The following HEATR4 variants were observed in gnomAD, a reference collection of about 807,000 sequenced individuals.
HEATR4 encodes HEAT repeat-containing protein 4.
A neutral mutation model predicts 108.8 loss-of-function variants in HEATR4; 95 were observed. The ratio of observed to expected loss-of-function variants is 0.87; its 90% confidence interval spans 0.74 to 1.04. The LOEUF (loss-of-function observed/expected upper bound fraction) is 1.04, where lower values mean the gene tolerates loss of function less well. Ranked by LOEUF, HEATR4 falls within the 50% of genes least tolerant of loss-of-function variation. HEATR4 has a pLI of 0.00. For synonymous variants in HEATR4, 443 were observed against 459.4 expected (o/e 0.96, Z 0.46); for missense variants, 1,152 against 1,253.8 (o/e 0.92, Z 1.23).
chr14:73,495,356 G>A lies in HEATR4; in HGVS notation c.2657C>T (p.Thr886Ile). 2 of 1,613,724 alleles carry A rather than the reference G, an allele frequency of 1.2e-6. No homozygotes were observed. The highest frequency in any genetic ancestry group is 1.7e-6 in the Non-Finnish European group (2 of 1,179,838). Residue 886 changes from threonine to isoleucine, a missense_variant, in exon 16 of 18, where the codon ACA becomes ATA. Thr to Ile is a moderately conservative substitution (Grantham distance 89, BLOSUM62 -1). Coordinates refer to ENST00000553558, the MANE Select transcript of HEATR4 (RefSeq NM_001220484.1). ...IKTLSQKDLL[T>I]HKILKLEMVM... ...CATCTCCAGCTTGAGTATTTTGTGTGTCAGCAAGTCCTTTTGGCTTAGTGT... is the reference window on the plus strand; with the variant it reads ...CATCTCCAGCTTGAGTATTTTGTGTATCAGCAAGTCCTTTTGGCTTAGTGT...
chr14:73,575,030 T>C, the HEATR4 span: 1 of 1,590,552 alleles, frequency 6.3e-7, no homozygotes, highest in Non-Finnish European at 8.6e-7. Context: ...TGGCCAATGT[T>C]GGGGGAACCT....
the HEATR4 span, among the ~76,000 whole-genome samples, chr14:73,614,731 A>G: frequency 7.2e-6 from 1 of 138,850 alleles, no homozygotes; most frequent in Non-Finnish European, 1.5e-5. Flanking sequence ...TGGGCGACAG[A>G]GCGAGACCCT....
chr14:73,580,119 G>GT, the HEATR4 span, among the ~76,000 whole-genome samples: 1 of 151,872 alleles, frequency 6.6e-6, no homozygotes, highest in Admixed American at 6.6e-5. Context: ...AGTATACAAA[G>GT]TGATGGGTGG....
chr14:73,491,622 C>T lies in HEATR4; in HGVS notation c.2844+1444G>A, dbSNP rs1205003931. On this transcript the variant is annotated intron_variant, in intron 17 of 17. Coordinates refer to ENST00000553558, the MANE Select transcript of HEATR4 (RefSeq NM_001220484.1). ...CGCATCCCCAGCAGCCGGCGGCGAG[C>T]GGCCCGCCTCTTTGAGTGGCTCATC... The T allele has an allele frequency of 2.6e-6, 4 of 1,547,366 alleles. No individual in the cohort carries two copies. In the South Asian group the frequency reaches 3.6e-5, roughly 14 times the overall value.
intron 2 of HEATR4, among the ~76,000 whole-genome samples, chr14:73,523,667 C>T (rs1174200453): frequency 6.6e-6 from 1 of 152,154 alleles, no homozygotes; most frequent in Non-Finnish European, 1.5e-5. Context: ...CTCTGAGTAT[C>T]CTCTCTCCAC....
At chr14:73,488,265 C>T (rs1885528830) in intron 17 of HEATR4, among the ~76,000 whole-genome samples, 1 of 152,108 alleles carries the variant, frequency 6.6e-6, no homozygotes, top group Non-Finnish European at 1.5e-5. Context: ...GTTGAGTTCT[C>T]ACAAGATCTG....
chr14:73,479,129 T>G (rs112472517), intron 17 of HEATR4, among the ~76,000 whole-genome samples: 42,962 of 149,366 alleles, frequency 0.29, 6,914 homozygotes, highest in African/African-American at 0.42. Flanking sequence ...TTGTTTGTTT[T>G]TTTTGAGACG....
chr14:73,541,452 G>A lies in HEATR4; in HGVS notation c.-151-11208C>T. The A allele has an allele frequency of 2.4e-6, 3 of 1,230,612 alleles. 1 individual carries two copies. The highest frequency in any genetic ancestry group is 3.2e-6 in the Non-Finnish European group (3 of 923,718). The allele number at this position is 1,230,612 out of a possible 1,614,324, so 76.2% of individuals were successfully genotyped here. A position where few individuals can be genotyped will look rare whatever the true frequency, so the allele number is the denominator to read the frequency against. ...GGTAAGAAACCATCCAACTGTTTCA[G>A]GAATAGCTTAGTTTTGCATTTTGTT... On this transcript the variant is annotated intron_variant, in intron 1 of 17. Transcript: ENST00000553558.
chr14:73,556,873 G>T lies in HEATR4; in HGVS notation c.-152+1878C>A, dbSNP rs1221425572. ...GGTCCTACAGTTAGATGCACTGGGC[G>T]CTTCGGGAAGAATTTAGGGCTATGG... On this transcript the variant is annotated intron_variant, in intron 1 of 17. Transcript: ENST00000553558. Among the ~76,000 whole-genome samples, 2 of 113,834 alleles carry T rather than the reference G, an allele frequency of 1.8e-5. 1 individual carries two copies. Among genetic ancestry groups the T allele is most frequent in the Non-Finnish European group, 3.8e-5 (2 of 51,964 alleles). 74.7% of individuals were successfully genotyped at this position (113,834 alleles called of 152,430 possible).
intron 2 of HEATR4, among the ~76,000 whole-genome samples, chr14:73,524,310 A>AAAAATATATATATATATATATATAT: frequency 3.7e-5 from 2 of 54,788 alleles, no homozygotes; most frequent in African/African-American, 8.8e-5. Flanking sequence ...AAAAAAAAAA[A>AAAAATATATATATATATATATATAT]ATATATATAT....
At position 73,492,891 on chromosome 14, in the gene HEATR4, C is replaced by T. The variant is rs1323537838; in HGVS notation, c.2844+175G>A. 1.2e-6 allele frequency: 2 copies of T among 1,613,494 alleles called. No homozygotes were observed. The highest frequency in any genetic ancestry group is 2.7e-5 in the African/African-American group (2 of 74,828). ...GAGGACCAGCTGTCCTTGGCAACCA[C>T]GTTGTATGATAAGGGGCTGCTGCTC... On this transcript the variant is annotated intron_variant, in intron 17 of 17. Transcript: ENST00000553558. The surrounding 1 kb of genome is among the most constrained non-coding windows in gnomAD (Gnocchi z 4.9).
chr14:73,628,094 C>G, the HEATR4 span, among the ~76,000 whole-genome samples: 1 of 152,142 alleles, frequency 6.6e-6, no homozygotes, highest in East Asian at 1.9e-4. Flanking sequence ...CAGGCGTGAG[C>G]CACTGTGTCT....
chr14:73,561,383 A>G (rs1417751855), upstream of HEATR4, among the ~76,000 whole-genome samples: 1 of 150,396 alleles, frequency 6.6e-6, no homozygotes, highest in African/African-American at 2.5e-5. Flanking sequence ...AAGAAAGAAA[A>G]AAAAAGAAAA....
In HEATR4 at chr14:73,558,000, T is replaced by C. The variant is rs1183899633; in HGVS notation, c.-152+751A>G. 1.2e-4 allele frequency among the ~76,000 whole-genome samples: 11 copies of C among 90,890 alleles called. 3 individuals carry two copies. The highest frequency in any genetic ancestry group is 2.7e-4 in the Non-Finnish European group (11 of 40,014). 59.6% of individuals were successfully genotyped at this position (90,890 alleles called of 152,430 possible). A position where few individuals can be genotyped will look rare whatever the true frequency, so the allele number is the denominator to read the frequency against. On this transcript the variant is annotated intron_variant, in intron 1 of 17. Coordinates refer to ENST00000553558, the MANE Select transcript of HEATR4 (RefSeq NM_001220484.1). ...GGAATAGATATGGGTAAAGAACCTT[T>C]TACATCAGACTCTTGTGTCCTACTC...
At chr14:73,489,797 G>A (rs942673410) in intron 17 of HEATR4, among the ~76,000 whole-genome samples, 2 of 152,214 alleles carry the variant, frequency 1.3e-5, no homozygotes, top group African/African-American at 4.8e-5. Flanking sequence ...AATGCAAGTA[G>A]AGAAATTCTT....
the HEATR4 span, among the ~76,000 whole-genome samples, chr14:73,578,920 C>G: frequency 3.3e-5 from 5 of 151,716 alleles, no homozygotes; most frequent in African/African-American, 1.2e-4. Flanking sequence ...CCCATCTCTA[C>G]TAAAAATACA....
In HEATR4 at chr14:73,531,404, G is replaced by A. The variant is rs1315305426; in HGVS notation, c.-151-1160C>T. On this transcript the variant is annotated intron_variant, in intron 1 of 17. Transcript: ENST00000553558. The stretch of plus-strand genomic sequence containing the variant: ...TTTATTGATTATTTATTGAATGGTA[G>A]TTTCATGGAGTTTTTCGTCTTTTTT... Among the ~76,000 whole-genome samples the A allele has an allele frequency of 1.8e-5, 2 of 108,470 alleles. 1 individual carries two copies. The highest frequency in any genetic ancestry group is 2.1e-4 in the Admixed American group (2 of 9,388). The allele number at this position is 108,470 out of a possible 152,430, so 71.2% of individuals were successfully genotyped here.
At position 73,512,092 on chromosome 14, in the gene HEATR4, T is replaced by C. The variant is rs1464709246; in HGVS notation, c.1472A>G (p.His491Arg). ...GATAGCTTTGATCCGAACGTCATCATGCAGGTCTCCCAAGCTCTGAAGCAG... is the reference window on the plus strand; with the variant it reads ...GATAGCTTTGATCCGAACGTCATCACGCAGGTCTCCCAAGCTCTGAAGCAG... Reference protein sequence around the residue: ...ENLLQSLGDLHDDVRIKAITT... With the variant: ...ENLLQSLGDLRDDVRIKAITT... Residue 491 changes from histidine (H) to arginine (R), a missense_variant, in exon 7 of 18, where the codon CAT (histidine) becomes CGT (arginine). His to Arg is a conservative substitution (Grantham distance 29). Transcript: ENST00000553558. The C allele has an allele frequency of 1.2e-6, 2 of 1,614,190 alleles. No individual in the cohort carries two copies. The highest frequency in any genetic ancestry group is 3.3e-5 in the Admixed American group (2 of 60,012).
At chr14:73,585,615 A>G in the HEATR4 span, among the ~76,000 whole-genome samples, 2,572 of 151,934 alleles carry the variant, frequency 0.017, 37 homozygotes, top group Non-Finnish European at 0.024. Flanking sequence ...CTTGGAACCC[A>G]GGAGGTGGAG....
Sources: allele counts gnomAD v4.1 joint callset (sites outside exome capture counted in the v4.1 genomes callset), GRCh38; gene constraint gnomAD v4.1.1; non-coding constraint Gnocchi (gnomAD v3.1); transcripts MANE v1.5; gene names NCBI Gene and HGNC (gene_info 2026-07-23, HGNC 2026-07-21).